PKP2: variants seen among roughly 807,000 people sequenced by gnomAD.
PKP2 encodes plakophilin-2.
A neutral mutation model predicts 83.4 loss-of-function variants in PKP2; 73 were observed. The ratio of observed to expected loss-of-function variants is 0.88; its 90% CI spans 0.72 to 1.06. The LOEUF is 1.06. PKP2 is among the 50% of genes least tolerant of loss of function. PKP2 has a pLI of 0.00. For synonymous variants in PKP2, 409 were observed against 430.4 expected, an observed-to-expected ratio of 0.95 and a Z score of 0.62; for missense variants, 966 against 1,065.4, an observed-to-expected ratio of 0.91 and a Z score of 1.30.
rs879110663 is a variant in PKP2 at position 32,821,476 on chromosome 12, C to T, written c.1893G>A (p.Glu631=). Residue 631 remains glutamate (E), a synonymous_variant, in exon 9 of 13, where the codon GAG becomes GAA. Coordinates refer to ENST00000340811, the MANE Select transcript of PKP2 (RefSeq NM_001005242.3). The stretch of plus-strand genomic sequence containing the variant: ...TTATAACAATGGAATGCCACAGCCA[C>T]TCCACGCCCTTGGGGTTGCTCTTTT... ...PEEKSNPKGV[E]WLWHSIVIRM... 6.2e-7 allele frequency: 1 copy of T among 1,614,036 alleles called. No individual in the cohort carries two copies. The highest frequency in any genetic ancestry group is 1.7e-5 in the Admixed American group (1 of 60,002).
Position 32,841,016 on chromosome 12 carries a change from A to G in PKP2, c.1556+12T>C, listed in dbSNP as rs373209888. 2.5e-6 allele frequency: 4 copies of G among 1,607,434 alleles called. No individual in the cohort carries two copies. Among genetic ancestry groups the G allele is most frequent in the African/African-American group, 2.7e-5 (2 of 74,784 alleles). ...TGCATCTTCTATCAGGGCAGGGTAC[A>G]GGTAGCATTACCTTAGGCATCCAGT... On this transcript the variant is annotated intron_variant, in intron 6 of 12. Coordinates refer to ENST00000340811, the MANE Select transcript of PKP2 (RefSeq NM_001005242.3).
At chr12:32,889,861 G>A (rs1033965442) in intron 1 of PKP2, among the ~76,000 whole-genome samples, 8 of 151,694 alleles carry the variant, frequency 5.3e-5, no homozygotes, top group African/African-American at 1.9e-4. Flanking sequence ...CGGGTGGATC[G>A]GTCAGGAGAT....
chr12:32,822,380 C>G (rs1344090010), intron 8 of PKP2, 87 bp downstream of exon 8: 2 of 1,123,612 alleles, frequency 1.8e-6, no homozygotes, highest in Non-Finnish European at 2.7e-6. Flanking sequence ...CGATATATAC[C>G]AAGTACTTAG....
chr12:32,867,040 G>T (rs1438805590), intron 4 of PKP2, among the ~76,000 whole-genome samples: 2 of 152,132 alleles, frequency 1.3e-5, no homozygotes, highest in Non-Finnish European at 2.9e-5. Flanking sequence ...ACAGAAACCA[G>T]ATCATGGCTG....
At chr12:32,835,062 CT>C (rs993061654) in intron 6 of PKP2, among the ~76,000 whole-genome samples, 44 of 80,494 alleles carry the variant, frequency 5.5e-4, no homozygotes, top group Non-Finnish European at 9.0e-4. Flanking sequence ...TTTTTTTTTT[CT>C]TTTTTTTTGA....
intron 5 of PKP2, among the ~76,000 whole-genome samples, chr12:32,842,169 TGGAA>T (rs1956599347): frequency 6.6e-6 from 1 of 152,192 alleles, no homozygotes; most frequent in Non-Finnish European, 1.5e-5. Context: ...TCTGATTCAG[TGGAA>T]GGAAGACTGT....
chr12:32,871,037 T>C (rs1045538547), intron 3 of PKP2, among the ~76,000 whole-genome samples: 1 of 152,138 alleles, frequency 6.6e-6, no homozygotes, highest in Non-Finnish European at 1.5e-5. Context: ...AACTTTCTGT[T>C]TGACTATCTA....
intron 9 of PKP2, chr12:32,820,857 A>G (rs1403699524): frequency 5.5e-6 from 1 of 181,722 alleles, no homozygotes; most frequent in Non-Finnish European, 1.2e-5. Context: ...TCTTAACAAC[A>G]CTATTGGGAA....
intron 6 of PKP2, among the ~76,000 whole-genome samples, chr12:32,838,087 A>G (rs1956558717): frequency 6.6e-6 from 1 of 152,204 alleles, no homozygotes; most frequent in African/African-American, 2.4e-5. Flanking sequence ...GGTTCCCATC[A>G]ATAGGGGACT....
intron 1 of PKP2, among the ~76,000 whole-genome samples, chr12:32,888,146 C>G (rs1414335282): frequency 4.6e-5 from 7 of 152,172 alleles, no homozygotes; most frequent in Non-Finnish European, 5.9e-5. Context: ...GCACTCCAGC[C>G]TGGGCAACAG....
intron 6 of PKP2, among the ~76,000 whole-genome samples, chr12:32,839,701 C>T (rs889088422): frequency 6.6e-6 from 1 of 152,122 alleles, no homozygotes; most frequent in Non-Finnish European, 1.5e-5. Context: ...AGTCCTAATA[C>T]ATCTGCCATA....
chr12:32,841,561 AG>A (rs1956593048), intron 5 of PKP2, among the ~76,000 whole-genome samples: 1 of 152,214 alleles, frequency 6.6e-6, no homozygotes, highest in African/African-American at 2.4e-5. Context: ...GCTCACCAAT[AG>A]GCAGGCTTAA....
chr12:32,801,445 C>G (rs1213722725), intron 10 of PKP2, among the ~76,000 whole-genome samples: 1 of 152,156 alleles, frequency 6.6e-6, no homozygotes, highest in Non-Finnish European at 1.5e-5. Flanking sequence ...TGAGAATGTT[C>G]CAGGCTTATC....
At chr12:32,845,229 G>T (rs1956634384) in intron 5 of PKP2, among the ~76,000 whole-genome samples, 1 of 152,184 alleles carries the variant, frequency 6.6e-6, no homozygotes, top group Admixed American at 6.5e-5. Flanking sequence ...CCAGTAAAGG[G>T]AGCTTAGATA....
intron 9 of PKP2, among the ~76,000 whole-genome samples, chr12:32,807,972 A>C (rs190598103): frequency 5.9e-5 from 9 of 152,042 alleles, no homozygotes; most frequent in East Asian, 3.9e-4. Context: ...TTATTCTTTC[A>C]TTTTGACCTG....
At chr12:32,860,249 T>G (rs1411267555) in intron 4 of PKP2, among the ~76,000 whole-genome samples, 1 of 151,792 alleles carries the variant, frequency 6.6e-6, no homozygotes, top group African/African-American at 2.4e-5. Flanking sequence ...AGAAAAGAGC[T>G]GAACAGAAAC....
rs11832526 is a variant in PKP2, at chr12:32,802,663, T to C, written c.2014-107A>G. The C allele has an allele frequency of 2.6e-4, 260 of 986,024 alleles. 2 individuals are homozygous for C. The African/African-American group carries it at 3.7e-3, about 14-fold the overall frequency. The allele number at this position is 986,024 out of a possible 1,614,324, so 61.1% of individuals were successfully genotyped here. On this transcript the variant is annotated intron_variant, in intron 9 of 12. Transcript: ENST00000340811. ...TGATGAAGATGTTTTATTTTTATCT[T>C]ATTTATTTATTTTGAGACAAAGTCT...
At chr12:32,793,111 T>C (rs1008756576) in intron 11 of PKP2, among the ~76,000 whole-genome samples, 3 of 152,038 alleles carry the variant, frequency 2.0e-5, no homozygotes, top group Admixed American at 6.6e-5. Context: ...CGTGGCAGTG[T>C]GTGCCTGTAA....
intron 4 of PKP2, among the ~76,000 whole-genome samples, chr12:32,867,255 A>G (rs970494580): frequency 6.6e-6 from 1 of 152,136 alleles, no homozygotes; most frequent in Non-Finnish European, 1.5e-5. Context: ...TTGAGCCCAG[A>G]AAGTTGAGGC....
Sources: gnomAD v4.1 joint callset for allele counts (sites outside exome capture counted in the v4.1 genomes callset) on GRCh38, gnomAD v4.1.1 for gene constraint, MANE v1.5 for transcripts, NCBI Gene and HGNC (gene_info 2026-07-23, HGNC 2026-07-21) for gene names.